Variants in MAGI2 observed in about 807,000 individuals in gnomAD.
MAGI2 encodes the protein membrane-associated guanylate kinase, WW and PDZ domain-containing protein 2.
MAGI2 carries 35 observed loss-of-function variants against 133.3 expected under a neutral mutation model. That is an observed-to-expected ratio of 0.26 (90% CI 0.20 to 0.35). The LOEUF is 0.35. MAGI2 is among the 10% of genes least tolerant of loss of function. The probability of loss-of-function intolerance (pLI) is 1.00; values close to 1 mark genes in which losing one functional copy is unlikely to be tolerated. For missense variants in MAGI2, 1,636 were observed against 1,863.4 expected, an observed-to-expected ratio of 0.88 and a Z score of 2.25; for synonymous variants, 729 against 710.6, an observed-to-expected ratio of 1.03 and a Z score of -0.41.
chr7:79,449,284 T>C (rs1375751476), intron 1 of MAGI2, among the ~76,000 whole-genome samples: 2 of 151,988 alleles, frequency 1.3e-5, no homozygotes, highest in South Asian at 2.1e-4. Flanking sequence ...GGGAGAGCAA[T>C]GTAGATCTTC....
At chr7:78,658,894 C>T (rs898545193) in intron 2 of MAGI2, among the ~76,000 whole-genome samples, 3 of 152,096 alleles carry the variant, frequency 2.0e-5, no homozygotes, top group South Asian at 4.1e-4. Flanking sequence ...ACAAATTGAT[C>T]GTTCTCTAAA....
chr7:79,433,868 G>A (rs1034105647), intron 1 of MAGI2, among the ~76,000 whole-genome samples: 17 of 151,926 alleles, frequency 1.1e-4, no homozygotes, highest in Admixed American at 2.6e-4. Flanking sequence ...ATAACAAAAC[G>A]GGAAAAAACA....
At chr7:78,810,375 G>GT (rs1389349996) in intron 2 of MAGI2, among the ~76,000 whole-genome samples, 3 of 151,968 alleles carry the variant, frequency 2.0e-5, no homozygotes, top group Non-Finnish European at 4.4e-5. Flanking sequence ...TATGTATTAG[G>GT]TTAAAAATTA....
At chr7:79,271,045 A>G (rs1401711319) in intron 1 of MAGI2, among the ~76,000 whole-genome samples, 3 of 151,958 alleles carry the variant, frequency 2.0e-5, no homozygotes, top group African/African-American at 7.3e-5. Context: ...CATCCAACTT[A>G]TGGCTCTCTT....
chr7:78,283,712 G>T (rs988576174), intron 9 of MAGI2, among the ~76,000 whole-genome samples: 1 of 152,038 alleles, frequency 6.6e-6, no homozygotes, highest in Non-Finnish European at 1.5e-5. Flanking sequence ...TCAGGTAACT[G>T]ATAAAGTAAT....
intron 2 of MAGI2, among the ~76,000 whole-genome samples, chr7:78,820,665 C>G (rs1261596555): frequency 6.6e-6 from 1 of 151,846 alleles, no homozygotes; most frequent in Non-Finnish European, 1.5e-5. Flanking sequence ...TGCTACTTGA[C>G]CAAAGTTTTC....
intron 2 of MAGI2, among the ~76,000 whole-genome samples, chr7:78,647,540 G>A (rs1357477738): frequency 1.3e-5 from 2 of 152,332 alleles, no homozygotes; most frequent in Non-Finnish European, 1.5e-5. Flanking sequence ...CTTTTACACT[G>A]TTGGTGGGAG....
chr7:78,451,516 G>A (rs1788720795), intron 6 of MAGI2, among the ~76,000 whole-genome samples: 1 of 152,056 alleles, frequency 6.6e-6, no homozygotes, highest in East Asian at 1.9e-4. Context: ...AGTAGTGGTT[G>A]GGAGACCAGA....
At chr7:78,213,635 A>C (rs1787985354) in intron 10 of MAGI2, among the ~76,000 whole-genome samples, 1 of 152,238 alleles carries the variant, frequency 6.6e-6, no homozygotes, top group Non-Finnish European at 1.5e-5. Context: ...AGTTTCGGCC[A>C]AAGGCAGCCA....
intron 1 of MAGI2, among the ~76,000 whole-genome samples, chr7:79,373,698 G>A (rs1843199296): frequency 6.6e-6 from 1 of 151,942 alleles, no homozygotes; most frequent in African/African-American, 2.4e-5. Flanking sequence ...ACAGGAAAGA[G>A]TGACAACTTT....
At position 78,229,708 on chromosome 7, in the gene MAGI2, T is replaced by C. The variant is rs554015422; in HGVS notation, c.2047+26235A>G. On this transcript the variant is annotated intron_variant, in intron 10 of 21. Coordinates refer to ENST00000354212, the MANE Select transcript of MAGI2 (RefSeq NM_012301.4). The stretch of plus-strand genomic sequence containing the variant: ...GGAACCAGTAAGCCAGGTTCCTAAA[T>C]AGGAAGGGACGATGACAGAGAAGGG... Among the ~76,000 whole-genome samples the C allele has an allele frequency of 7.2e-4, 109 of 152,286 alleles. 1 individual carries two copies. The highest frequency in any genetic ancestry group is 2.5e-3 in the African/African-American group (105 of 41,544).
chr7:78,966,611 T>C (rs574108640), intron 2 of MAGI2, among the ~76,000 whole-genome samples: 1 of 152,272 alleles, frequency 6.6e-6, no homozygotes, highest in African/African-American at 2.4e-5. Context: ...AACTTGGCTA[T>C]TGTGAATAAT....
intron 1 of MAGI2, among the ~76,000 whole-genome samples, chr7:79,207,734 C>T (rs933133397): frequency 6.6e-6 from 1 of 151,818 alleles, no homozygotes; most frequent in Non-Finnish European, 1.5e-5. Flanking sequence ...ATAGCCAAAG[C>T]AACTCTGAGC....
chr7:78,287,256 A>C (rs1796234575), intron 9 of MAGI2, among the ~76,000 whole-genome samples: 1 of 152,204 alleles, frequency 6.6e-6, no homozygotes, highest in Admixed American at 6.6e-5. Flanking sequence ...AGGGATTGTC[A>C]AGGTTTATTA....
chr7:78,549,457 C>T (rs552975766), intron 3 of MAGI2, among the ~76,000 whole-genome samples: 12 of 152,042 alleles, frequency 7.9e-5, no homozygotes, highest in African/African-American at 2.9e-4. Context: ...CTCACAGCAT[C>T]CATCCAATCT....
At chr7:78,978,363 A>G (rs1435250148) in intron 2 of MAGI2, among the ~76,000 whole-genome samples, 2 of 151,870 alleles carry the variant, frequency 1.3e-5, no homozygotes, top group South Asian at 2.1e-4. Flanking sequence ...ATGAAGACAC[A>G]TGAAAGACAT....
intron 1 of MAGI2, among the ~76,000 whole-genome samples, chr7:79,215,825 C>T (rs1236860809): frequency 6.6e-6 from 1 of 151,928 alleles, no homozygotes. Context: ...CAGGCAGGAC[C>T]TTAACTTTGG....
chr7:78,221,320 T>G (rs1788808358), intron 10 of MAGI2, among the ~76,000 whole-genome samples: 1 of 152,238 alleles, frequency 6.6e-6, no homozygotes, highest in African/African-American at 2.4e-5. Flanking sequence ...CTTTTCCATT[T>G]ACTCATGAAG....
intron 3 of MAGI2, among the ~76,000 whole-genome samples, chr7:78,591,266 G>T (rs1803972622): frequency 1.3e-5 from 2 of 152,158 alleles, no homozygotes; most frequent in South Asian, 4.1e-4. Context: ...TCTCCTTCCT[G>T]AAACAGACCT....
Sources: gnomAD v4.1 joint callset for allele counts (sites outside exome capture counted in the v4.1 genomes callset) on GRCh38, gnomAD v4.1.1 for gene constraint, MANE v1.5 for transcripts, NCBI Gene and HGNC (gene_info 2026-07-23, HGNC 2026-07-21) for gene names.